The following FSTL5 variants were observed in gnomAD, a reference collection of about 807,000 sequenced individuals.
The protein encoded by FSTL5 is follistatin-related protein 5.
A neutral mutation model predicts 89.1 loss-of-function variants in FSTL5; 62 were observed. That is an observed-to-expected ratio of 0.70 (90% CI 0.57 to 0.86). The LOEUF (loss-of-function observed/expected upper bound fraction) is 0.86, where lower values mean the gene tolerates loss of function less well. Among genes scored for constraint, FSTL5 ranks in the 40% least tolerant of loss-of-function variants. The pLI is 0.00. For missense variants in FSTL5, 1,057 were observed against 1,001.6 expected (o/e 1.06, Z -0.75); for synonymous variants, 383 against 346.2 (o/e 1.11, Z -1.18).
intron 3 of FSTL5, among the ~76,000 whole-genome samples, chr4:162,001,629 A>AGTGT: frequency 2.0e-5 from 2 of 99,032 alleles, no homozygotes. Flanking sequence ...TGTGTGTGTA[A>AGTGT]GTGTAAGAGT....
chr4:162,011,028 A>G (rs1736751160), intron 3 of FSTL5, among the ~76,000 whole-genome samples: 1 of 152,174 alleles, frequency 6.6e-6, no homozygotes, highest in Non-Finnish European at 1.5e-5. Flanking sequence ...CTGTGTATCA[A>G]AATAAAATCC....
intron 11 of FSTL5, among the ~76,000 whole-genome samples, chr4:161,502,941 T>C (rs1234233152): frequency 1.3e-5 from 2 of 151,690 alleles, no homozygotes; most frequent in Non-Finnish European, 3.0e-5. Context: ...TATATTTGTA[T>C]AGATTTTTAC....
chr4:161,767,001 T>C (rs1741037625), intron 5 of FSTL5, among the ~76,000 whole-genome samples: 1 of 152,166 alleles, frequency 6.6e-6, no homozygotes, highest in Admixed American at 6.5e-5. Flanking sequence ...ATGACTCTCC[T>C]ATCCTCTCCC....
intron 12 of FSTL5, among the ~76,000 whole-genome samples, chr4:161,494,838 T>A (rs1730007758): frequency 6.6e-6 from 1 of 152,020 alleles, no homozygotes; most frequent in African/African-American, 2.4e-5. Context: ...GTGAGGAGAA[T>A]CTCTTGAGCC....
At chr4:161,440,001 T>A (rs1379957482) in intron 15 of FSTL5, among the ~76,000 whole-genome samples, 1 of 152,124 alleles carries the variant, frequency 6.6e-6, no homozygotes, top group Non-Finnish European at 1.5e-5. Context: ...TATCTGGAAG[T>A]TGCAGGGTCT....
intron 15 of FSTL5, among the ~76,000 whole-genome samples, chr4:161,417,432 T>C (rs184227294): frequency 4.6e-5 from 7 of 152,386 alleles, no homozygotes; most frequent in Admixed American, 3.9e-4. Flanking sequence ...TTCAGCTAAA[T>C]TTATAGAGTT....
chr4:161,436,311 T>G (rs1423183552), intron 15 of FSTL5, among the ~76,000 whole-genome samples: 1 of 152,194 alleles, frequency 6.6e-6, no homozygotes, highest in African/African-American at 2.4e-5. Flanking sequence ...GAGATTTACA[T>G]ACTTTCCTAG....
intron 4 of FSTL5, among the ~76,000 whole-genome samples, chr4:161,873,794 T>C (rs913482836): frequency 1.1e-4 from 17 of 151,912 alleles, no homozygotes; most frequent in Non-Finnish European, 1.9e-4. Flanking sequence ...TTTAACTTTA[T>C]GGAAAATAAA....
intron 8 of FSTL5, among the ~76,000 whole-genome samples, chr4:161,578,865 A>T (rs1733330363): frequency 6.6e-6 from 1 of 152,122 alleles, no homozygotes; most frequent in African/African-American, 2.4e-5. Flanking sequence ...GCCTACTTAG[A>T]ATTTAATATC....
At chr4:161,895,243 T>C (rs1189516480) in intron 4 of FSTL5, among the ~76,000 whole-genome samples, 1 of 152,226 alleles carries the variant, frequency 6.6e-6, no homozygotes, top group Non-Finnish European at 1.5e-5. Flanking sequence ...CCAAATAATA[T>C]GAGAAATGCT....
chr4:162,089,656 A>AAAAAAAAAAAAG (rs1561012753), intron 2 of FSTL5, among the ~76,000 whole-genome samples: 3 of 136,414 alleles, frequency 2.2e-5, no homozygotes, highest in African/African-American at 2.6e-5. Flanking sequence ...AAAAAGAAAA[A>AAAAAAAAAAAAG]AAAGAAAGAA....
At chr4:162,083,449 A>G (rs1328636690) in intron 2 of FSTL5, among the ~76,000 whole-genome samples, 2 of 151,794 alleles carry the variant, frequency 1.3e-5, no homozygotes, top group Admixed American at 6.6e-5. Flanking sequence ...ACTCTCTTTA[A>G]GAACACAGAG....
intron 7 of FSTL5, among the ~76,000 whole-genome samples, chr4:161,630,819 T>G (rs893339139): frequency 2.6e-5 from 4 of 152,216 alleles, no homozygotes; most frequent in Admixed American, 2.6e-4. Context: ...CCCCAAAATA[T>G]TATTTACTTG....
At chr4:161,576,964 G>A (rs1249946566) in intron 8 of FSTL5, among the ~76,000 whole-genome samples, 9 of 152,126 alleles carry the variant, frequency 5.9e-5, no homozygotes, top group Admixed American at 4.6e-4. Context: ...CATACATAGT[G>A]ACAAAATTAA....
At chr4:162,001,129 C>G (rs1353828587) in intron 3 of FSTL5, among the ~76,000 whole-genome samples, 1 of 152,152 alleles carries the variant, frequency 6.6e-6, no homozygotes, top group Non-Finnish European at 1.5e-5. Flanking sequence ...TAGTTTTTGT[C>G]ATTTTGATAC....
Position 162,143,741 on chromosome 4 carries a change from CACA to C in FSTL5, c.-17+19871_-17+19873del, listed in dbSNP as rs1732844961. Among the ~76,000 whole-genome samples, 15 of 136,474 alleles carry C rather than the reference CACA, an allele frequency of 1.1e-4. 1 individual carries two copies. The South Asian group carries it at 2.3e-3, about 21-fold the overall frequency. The allele number at this position is 136,474 out of a possible 152,430, so 89.5% of individuals were successfully genotyped here. A position where few individuals can be genotyped will look rare whatever the true frequency, so the allele number is the denominator to read the frequency against. On this transcript the variant is annotated intron_variant, in intron 1 of 15. Coordinates refer to ENST00000306100, the MANE Select transcript of FSTL5 (RefSeq NM_020116.5). ...TTACACACACACACACACACACACA[CACA>C]CACACCCAGGAAAAAAGGTTACATT...
intron 15 of FSTL5, among the ~76,000 whole-genome samples, chr4:161,452,772 T>A (rs1433762411): frequency 1.4e-5 from 2 of 138,602 alleles, no homozygotes; most frequent in African/African-American, 5.0e-5. Context: ...TTACTCTTAC[T>A]AAATTAAATA....
chr4:162,082,632 T>C (rs1579012607), intron 2 of FSTL5, among the ~76,000 whole-genome samples: 1 of 151,472 alleles, frequency 6.6e-6, no homozygotes, highest in African/African-American at 2.4e-5. Flanking sequence ...GCCCAATTCA[T>C]TTATTTATGT....
At chr4:161,904,400 T>C (rs906838038) in intron 4 of FSTL5, among the ~76,000 whole-genome samples, 1 of 152,106 alleles carries the variant, frequency 6.6e-6, no homozygotes, top group Non-Finnish European at 1.5e-5. Context: ...TGGAATGTTC[T>C]ATTATCTCAA....
Sources: allele counts gnomAD v4.1 joint callset (sites outside exome capture counted in the v4.1 genomes callset), GRCh38; gene constraint gnomAD v4.1.1; transcripts MANE v1.5; gene names NCBI Gene and HGNC (gene_info 2026-07-23, HGNC 2026-07-21).